The following OSBPL9 variants were observed in gnomAD, a reference collection of about 807,000 sequenced individuals.
The protein encoded by OSBPL9 is oxysterol binding protein like 9.
OSBPL9 carries 40 observed loss-of-function variants against 106.6 expected under a neutral mutation model. The observed-to-expected ratio is 0.38, with a 90% CI of 0.29 to 0.49. OSBPL9 has a LOEUF of 0.49. Ranked by LOEUF, OSBPL9 falls within the 20% of genes least tolerant of loss-of-function variation. OSBPL9 has a pLI of 0.97. For missense variants in OSBPL9, 609 were observed against 887.2 expected (o/e 0.69, Z 3.98); for synonymous variants, 269 against 295.4 (o/e 0.91, Z 0.92).
the OSBPL9 span, among the ~76,000 whole-genome samples, chr1:51,537,023 A>G: frequency 1.3e-5 from 2 of 152,252 alleles, no homozygotes; most frequent in East Asian, 3.8e-4. Flanking sequence ...CAATGGTTTC[A>G]ACACTCATTG....
the OSBPL9 span, among the ~76,000 whole-genome samples, chr1:51,536,403 G>A: frequency 1.3e-5 from 2 of 152,200 alleles, no homozygotes; most frequent in African/African-American, 4.8e-5. Flanking sequence ...GAATTCCTGG[G>A]CTCAAGCGAT....
At chr1:51,580,968 A>C (rs1217912157) in intron 1 of OSBPL9, among the ~76,000 whole-genome samples, 1 of 103,946 alleles carries the variant, frequency 9.6e-6, no homozygotes, top group African/African-American at 3.8e-5. Context: ...TTTTTGAAAC[A>C]GAGTCTTGCT....
intron 4 of OSBPL9, among the ~76,000 whole-genome samples, chr1:51,737,919 G>A (rs1280353171): frequency 6.6e-6 from 1 of 151,938 alleles, no homozygotes. Context: ...GCCTAAACTG[G>A]GATACTTGAG....
At chr1:51,568,588 T>TCTGTCACCCAGG in the OSBPL9 span, among the ~76,000 whole-genome samples, 1 of 152,204 alleles carries the variant, frequency 6.6e-6, no homozygotes. Flanking sequence ...AGAGTCTCAC[T>TCTGTCACCCAGG]CTGTCACCCA....
intron 1 of OSBPL9, among the ~76,000 whole-genome samples, chr1:51,634,838 A>G (rs1301430092): frequency 6.6e-6 from 1 of 152,210 alleles, no homozygotes; most frequent in Non-Finnish European, 1.5e-5. Context: ...GAAGGCGAAA[A>G]GCATGTCTTA....
chr1:51,553,372 G>A, the OSBPL9 span, among the ~76,000 whole-genome samples: 1 of 151,872 alleles, frequency 6.6e-6, no homozygotes, highest in Admixed American at 6.6e-5. Flanking sequence ...AAATTAACCT[G>A]GCATGGTGGC....
chr1:51,737,800 T>A (rs1666033500), intron 4 of OSBPL9, among the ~76,000 whole-genome samples: 1 of 152,058 alleles, frequency 6.6e-6, no homozygotes, highest in Non-Finnish European at 1.5e-5. Context: ...AAAAAGGCAA[T>A]TTGCTGGATT....
intron 2 of OSBPL9, among the ~76,000 whole-genome samples, chr1:51,607,036 T>C (rs1285154505): frequency 2.7e-5 from 4 of 149,936 alleles, no homozygotes; most frequent in South Asian, 2.1e-4. Context: ...GGCGACAGAG[T>C]GAGACTCCAT....
intron 3 of OSBPL9, among the ~76,000 whole-genome samples, chr1:51,676,094 C>T (rs1651117934): frequency 6.6e-6 from 1 of 152,120 alleles, no homozygotes; most frequent in Middle Eastern, 3.2e-3. Context: ...AGCCATTTTC[C>T]TCTTCATTGT....
chr1:51,784,025 GGTAA>G lies in OSBPL9; in HGVS notation c.1624+3_1624+6del. 1 of 1,605,018 alleles carries G rather than the reference GGTAA, an allele frequency of 6.2e-7. No individual in the cohort carries two copies. The highest frequency in any genetic ancestry group is 8.5e-7 in the Non-Finnish European group (1 of 1,172,126). On this transcript the variant is annotated splice_donor_variant and splice_donor_region_variant and intron_variant, in intron 18 of 23. Transcript: ENST00000428468. LOFTEE classifies it high-confidence loss of function. ...AATTGGGGTGCACAACATAGGGCAG[GGTAA>G]GTGTGTTGGCATTGGGTGGACTACA...
chr1:51,592,367 G>A (rs1181993314), intron 1 of OSBPL9, among the ~76,000 whole-genome samples: 1 of 152,012 alleles, frequency 6.6e-6, no homozygotes, highest in Non-Finnish European at 1.5e-5. Flanking sequence ...TGCCCATCTC[G>A]GCCTCCCAAA....
At chr1:51,669,857 A>G in intron 3 of OSBPL9, 1 of 478,694 alleles carries the variant, frequency 2.1e-6, no homozygotes, top group Non-Finnish European at 4.1e-6. Flanking sequence ...CTGCTTCTGC[A>G]TGAAGAGTCT....
At chr1:51,658,368 GT>G (rs140492392) in intron 2 of OSBPL9, among the ~76,000 whole-genome samples, 16 of 148,000 alleles carry the variant, frequency 1.1e-4, no homozygotes, top group Non-Finnish European at 1.8e-4. Context: ...ATGAATGGTA[GT>G]TTTTTTTTTG....
chr1:51,712,006 G>T (rs1294600188), intron 3 of OSBPL9, among the ~76,000 whole-genome samples: 1 of 150,422 alleles, frequency 6.6e-6, no homozygotes, highest in Non-Finnish European at 1.5e-5. Flanking sequence ...CTTCCCAGAC[G>T]GGGTGGTGGC....
At chr1:51,523,454 T>C in the OSBPL9 span, among the ~76,000 whole-genome samples, 1 of 151,820 alleles carries the variant, frequency 6.6e-6, no homozygotes, top group African/African-American at 2.4e-5. Context: ...TCAAAACAGC[T>C]CTACAAGGGT....
intron 3 of OSBPL9, among the ~76,000 whole-genome samples, chr1:51,697,432 C>A (rs945359510): frequency 6.7e-6 from 1 of 148,848 alleles, no homozygotes; most frequent in African/African-American, 2.5e-5. Flanking sequence ...GAAAAGGAGG[C>A]CTTCCTGATT....
intron 23 of OSBPL9, 104 bp downstream of exon 23, chr1:51,787,592 G>A (rs953995735): frequency 1.7e-5 from 27 of 1,600,042 alleles, no homozygotes; most frequent in South Asian, 1.7e-4. Flanking sequence ...CAAGATGATC[G>A]CTGGTCCCTA....
chr1:51,721,699 C>A (rs767417624), intron 4 of OSBPL9, among the ~76,000 whole-genome samples: 26 of 152,186 alleles, frequency 1.7e-4, no homozygotes, highest in Admixed American at 3.9e-4. Context: ...CGGTTTATCA[C>A]AACTGTATTG....
the OSBPL9 span, among the ~76,000 whole-genome samples, chr1:51,547,185 G>A: frequency 1.3e-5 from 2 of 152,186 alleles, no homozygotes; most frequent in African/African-American, 4.8e-5. Flanking sequence ...GCACATAGGG[G>A]TTCTGCATTA....
Sources: allele counts gnomAD v4.1 joint callset (sites outside exome capture counted in the v4.1 genomes callset), GRCh38; gene constraint gnomAD v4.1.1; transcripts MANE v1.5; gene names NCBI Gene and HGNC (gene_info 2026-07-23, HGNC 2026-07-21).